CEBPZ: variants seen among roughly 807,000 people sequenced by gnomAD.
CEBPZ encodes the protein CCAAT/enhancer-binding protein zeta.
Under a neutral mutation model 104.5 loss-of-function variants are expected in CEBPZ, and 78 were observed. The ratio of observed to expected loss-of-function variants is 0.75; its 90% confidence interval spans 0.62 to 0.90. CEBPZ has a LOEUF of 0.90. Among genes scored for constraint, CEBPZ ranks in the 40% least tolerant of loss-of-function variants. The pLI is 0.00. For synonymous variants in CEBPZ, 470 were observed against 427.0 expected, an observed-to-expected ratio of 1.10 and a Z score of -1.24; for missense variants, 1,439 against 1,233.5, an observed-to-expected ratio of 1.17 and a Z score of -2.50.
chr2:37,214,043 G>A, intron 9 of CEBPZ, 82 bp from the exon 10 acceptor site: 4 of 627,320 alleles, frequency 6.4e-6, no homozygotes, highest in South Asian at 6.0e-5. Context: ...TATGACCAGT[G>A]GCAAACCACA....
intron 13 of CEBPZ, among the ~76,000 whole-genome samples, chr2:37,207,835 C>T (rs1271149248): frequency 6.6e-6 from 1 of 151,740 alleles, no homozygotes; most frequent in Non-Finnish European, 1.5e-5. Flanking sequence ...GAAGCAAACA[C>T]TACAAAAGAT....
In CEBPZ at chr2:37,231,538, G is replaced by C. The variant is rs753956232; in HGVS notation, c.30C>G (p.Phe10Leu). 2 of 1,614,202 alleles carry C rather than the reference G, an allele frequency of 1.2e-6. No homozygotes were observed. Among genetic ancestry groups the C allele is most frequent in the South Asian group, 1.1e-5 (1 of 91,086 alleles). ...CGGGGCGCCAAGGCCGCTTGGCATG[G>C]AACTCCAAAGGCTCCTTGACTGCGG... MAAVKEPLEFHAKRPWRPEE... is the reference protein window; with the variant it reads MAAVKEPLELHAKRPWRPEE... Residue 10 changes from phenylalanine to leucine, a missense_variant, in exon 1 of 16, where the codon TTC (phenylalanine) becomes TTG (leucine). Coordinates refer to ENST00000234170, the MANE Select transcript of CEBPZ (RefSeq NM_005760.3).
chr2:37,210,821 G>A (rs1558470088), intron 13 of CEBPZ, 178 bp downstream of exon 13: 1 of 481,756 alleles, frequency 2.1e-6, no homozygotes. Flanking sequence ...AGAGATATCT[G>A]AATGCGAGAA....
At chr2:37,229,278 A>G (rs963553156) in intron 1 of CEBPZ, among the ~76,000 whole-genome samples, 1 of 152,148 alleles carries the variant, frequency 6.6e-6, no homozygotes, top group Non-Finnish European at 1.5e-5. Flanking sequence ...AATATAAATT[A>G]TAAACTGGAA....
rs916727817 is a variant in CEBPZ, at chr2:37,201,871, C to G, written c.3058G>C (p.Asp1020His). The change falls in exon 16 of 16, where the codon GAT (aspartate) becomes CAT (histidine). Residue 1020 changes from aspartate to histidine, a missense_variant. Coordinates refer to ENST00000234170, the MANE Select transcript of CEBPZ (RefSeq NM_005760.3). ...LKQLRWEAER[D>H]DWLHNRDAKS... ...GCATCTCTGTTGTGTAGCCAGTCAT[C>G]ACGTTCAGCCTCCCATCTAAGCTGT... 7 of 1,613,644 alleles carry G rather than the reference C, an allele frequency of 4.3e-6. No individual in the cohort carries two copies. In the African/African-American group the frequency reaches 9.4e-5, roughly 22 times the overall value.
At chr2:37,231,373 C>A in intron 1 of CEBPZ, 39 bp downstream of exon 1, 5 of 1,612,524 alleles carry the variant, frequency 3.1e-6, no homozygotes, top group South Asian at 1.1e-5. Context: ...TCGGAACTCT[C>A]CACGCCTGAT....
chr2:37,229,171 G>T, intron 1 of CEBPZ, 135 bp from the exon 2 acceptor site: 3 of 718,754 alleles, frequency 4.2e-6, no homozygotes, highest in South Asian at 7.3e-5. Flanking sequence ...TAAAACTCAG[G>T]GTCCACAAAG....
chr2:37,203,462 TA>T (rs60652580), intron 13 of CEBPZ: 29,144 of 150,102 alleles, frequency 0.19, 2,926 homozygotes, highest in South Asian at 0.29. Flanking sequence ...GGTTCTCCTT[TA>T]AAAAAAAAAC....
In CEBPZ at chr2:37,201,777, T is replaced by G. The variant is rs113248228; in HGVS notation, c.3152A>C (p.Lys1051Thr). The change falls in exon 16 of 16, where the codon AAA becomes ACA. Residue 1051 changes from lysine to threonine, a missense_variant. Physicochemically the swap from Lys to Thr is moderately conservative, Grantham distance 78. Coordinates refer to ENST00000234170, the MANE Select transcript of CEBPZ (RefSeq NM_005760.3). ...TACATTAATAACTCATTTCCTTTGT[T>G]TTTTAGTTTTTTGAGTGGTTTTAAT... ...KRIKTTQKTK[K>T]QRK The G allele has an allele frequency of 1.4e-5, 20 of 1,435,874 alleles. No individual in the cohort carries two copies. The highest frequency in any genetic ancestry group is 1.8e-4 in the Middle Eastern group (1 of 5,704). The allele number at this position is 1,435,874 out of a possible 1,614,324, so 88.9% of individuals were successfully genotyped here.
At chr2:37,221,104 G>T (rs1558475574) in intron 4 of CEBPZ, among the ~76,000 whole-genome samples, 1 of 152,174 alleles carries the variant, frequency 6.6e-6, no homozygotes, top group South Asian at 2.1e-4. Context: ...AAGGCTGCTT[G>T]AGACCAAGAG....
intron 6 of CEBPZ, among the ~76,000 whole-genome samples, chr2:37,216,662 G>GC (rs1403224176): frequency 6.6e-6 from 1 of 152,078 alleles, no homozygotes; most frequent in African/African-American, 2.4e-5. Context: ...AATAATGCAG[G>GC]CCATCTAACC....
At chr2:37,216,053 G>T in intron 8 of CEBPZ, 87 bp downstream of exon 8, 1 of 1,005,896 alleles carries the variant, frequency 9.9e-7, no homozygotes, top group South Asian at 1.7e-5. Context: ...GTTTTATTCT[G>T]ATAAATTAGA....
chr2:37,206,034 T>A (rs1203899605), intron 13 of CEBPZ, among the ~76,000 whole-genome samples: 2 of 152,334 alleles, frequency 1.3e-5, no homozygotes, highest in Admixed American at 6.5e-5. Context: ...GAGATTAGCA[T>A]GTGAATCTCT....
At chr2:37,218,328 G>A (rs539334390) in intron 5 of CEBPZ, among the ~76,000 whole-genome samples, 14 of 152,216 alleles carry the variant, frequency 9.2e-5, no homozygotes, top group African/African-American at 3.4e-4. Flanking sequence ...AATATATAGC[G>A]AGTAGTATTA....
chr2:37,204,044 CATT>C (rs1429549449), intron 13 of CEBPZ: 5 of 152,114 alleles, frequency 3.3e-5, no homozygotes, highest in Non-Finnish European at 7.4e-5. Context: ...GTTTCTAAAA[CATT>C]TCATCTTGAT....
At chr2:37,214,980 C>A in intron 8 of CEBPZ, 28 bp from the exon 9 acceptor site, 1 of 1,384,328 alleles carries the variant, frequency 7.2e-7, no homozygotes, top group Non-Finnish European at 1.0e-6. Context: ...AACATTTTAA[C>A]TTCATATAGC....
In CEBPZ at chr2:37,218,245, C is replaced by T. The variant is rs560788424; in HGVS notation, c.2155-1208G>A. Reference sequence around the variant, plus strand: ...TCGCACCACCGCACTCCAGCCTGGGCGACAGAGCAAGACTCTGCCTCAAAA... The same window carrying T: ...TCGCACCACCGCACTCCAGCCTGGGTGACAGAGCAAGACTCTGCCTCAAAA... On this transcript the variant is annotated intron_variant, in intron 5 of 15. Transcript: ENST00000234170. 1.7e-4 allele frequency among the ~76,000 whole-genome samples: 26 copies of T among 148,968 alleles called. No homozygotes were observed. In the South Asian group the frequency reaches 5.1e-3, roughly 29 times the overall value.
rs1238022501 is a variant in CEBPZ, at chr2:37,228,402, T to C, written c.791A>G (p.Gln264Arg). The change falls in exon 2 of 16, where the codon CAG becomes CGG. Residue 264 changes from glutamine (Q) to arginine (R), a missense_variant. Gln to Arg is a conservative substitution (Grantham distance 43). Coordinates refer to ENST00000234170, the MANE Select transcript of CEBPZ (RefSeq NM_005760.3). ...AAGGTTCACAAGAGTTTCTACAAAC[T>C]GAAGTGTGTGAACGGCATCATCCTG... The part of the protein sequence containing the change: ...LIQDDAVHTL[Q>R]FVETLVNLVK... 1.2e-6 allele frequency: 2 copies of C among 1,614,096 alleles called. No homozygotes were observed. Among genetic ancestry groups the C allele is most frequent in the Admixed American group, 1.7e-5 (1 of 60,002 alleles).
Position 37,231,541 on chromosome 2 carries a change from C to T in CEBPZ, c.27G>A (p.Glu9=). The T allele has an allele frequency of 6.2e-7, 1 of 1,614,254 alleles. No homozygotes were observed. The highest frequency in any genetic ancestry group is 8.5e-7 in the Non-Finnish European group (1 of 1,180,038). The change falls in exon 1 of 16, where the codon GAG becomes GAA. Residue 9 remains glutamate (E), a synonymous_variant. Transcript: ENST00000234170. ...GGCGCCAAGGCCGCTTGGCATGGAA[C>T]TCCAAAGGCTCCTTGACTGCGGCCA... MAAVKEPL[E]FHAKRPWRPE... is the part of the protein sequence containing the mutation.
Sources: gnomAD v4.1 joint callset for allele counts (sites outside exome capture counted in the v4.1 genomes callset) on GRCh38, gnomAD v4.1.1 for gene constraint, MANE v1.5 for transcripts, NCBI Gene and HGNC (gene_info 2026-07-23, HGNC 2026-07-21) for gene names.